Variants in HDAC9 observed in about 807,000 individuals in gnomAD.
HDAC9 encodes MEF-2 interacting transcription repressor (MITR) protein.
In HDAC9, 41 loss-of-function variants were observed where a neutral mutation model predicts 139.4. The ratio of observed to expected loss-of-function variants is 0.29; its 90% CI spans 0.23 to 0.38. The LOEUF (loss-of-function observed/expected upper bound fraction) is 0.38. Ranked by LOEUF, HDAC9 falls within the 10% of genes least tolerant of loss-of-function variation. HDAC9 has a pLI of 1.00. For synonymous variants in HDAC9, 517 were observed against 476.2 expected, an observed-to-expected ratio of 1.09 and a Z score of -1.12; for missense variants, 1,147 against 1,297.0, an observed-to-expected ratio of 0.88 and a Z score of 1.78.
chr7:18,989,181 T>C (rs1785642382), intron 25 of HDAC9, among the ~76,000 whole-genome samples: 1 of 149,362 alleles, frequency 6.7e-6, no homozygotes, highest in Non-Finnish European at 1.5e-5. Flanking sequence ...CATTTTGGCA[T>C]GATTTTGCAG....
At chr7:18,183,188 T>G (rs113669949) in intron 2 of HDAC9, among the ~76,000 whole-genome samples, 2,739 of 152,202 alleles carry the variant, frequency 0.018, 99 homozygotes, top group African/African-American at 0.061. Flanking sequence ...TTTTTGTATT[T>G]TTAGTAGAGA....
At chr7:18,879,000 T>C (rs1188534922) in intron 22 of HDAC9, among the ~76,000 whole-genome samples, 1 of 152,100 alleles carries the variant, frequency 6.6e-6, no homozygotes, top group Admixed American at 6.6e-5. Context: ...TCAGTAGCAT[T>C]CCTACACACC....
intron 13 of HDAC9, among the ~76,000 whole-genome samples, chr7:18,728,282 T>C (rs1785721305): frequency 6.6e-6 from 1 of 152,172 alleles, no homozygotes; most frequent in African/African-American, 2.4e-5. Flanking sequence ...TTATGGAATC[T>C]CTGGGTGGGC....
chr7:18,341,751 G>T (rs1164964937), intron 1 of HDAC9, among the ~76,000 whole-genome samples: 1 of 151,404 alleles, frequency 6.6e-6, no homozygotes, highest in Non-Finnish European at 1.5e-5. Context: ...CTTATTTGGG[G>T]TTATATTTTC....
At position 18,969,737 on chromosome 7, in the gene HDAC9, A is replaced by G. The variant is rs567744339; in HGVS notation, c.3023-6069A>G. On this transcript the variant is annotated intron_variant, in intron 24 of 25. Coordinates refer to ENST00000686413, the MANE Select transcript of HDAC9 (RefSeq NM_178425.4). ...TCCGAACTTTGGATGGATTAATGGC[A>G]TATTATGCAGTACAGAAGAAGAAAA... Among the ~76,000 whole-genome samples the G allele has an allele frequency of 2.6e-5, 4 of 152,350 alleles. No individual in the cohort carries two copies. In the South Asian group the frequency reaches 8.3e-4, roughly 32 times the overall value.
At chr7:18,554,481 G>A (rs1195348005) in intron 2 of HDAC9, among the ~76,000 whole-genome samples, 2 of 151,732 alleles carry the variant, frequency 1.3e-5, no homozygotes, top group Non-Finnish European at 2.9e-5. Context: ...GACTACAGGC[G>A]CCCGCCACCA....
intron 25 of HDAC9, among the ~76,000 whole-genome samples, chr7:18,980,023 G>A (rs1784797057): frequency 6.6e-6 from 1 of 152,168 alleles, no homozygotes; most frequent in Non-Finnish European, 1.5e-5. Context: ...TTTTCATCCA[G>A]TGTCAACAAA....
At chr7:18,834,806 A>G (rs1796116217) in intron 19 of HDAC9, among the ~76,000 whole-genome samples, 1 of 152,184 alleles carries the variant, frequency 6.6e-6, no homozygotes, top group South Asian at 2.1e-4. Context: ...CTAACTGCGG[A>G]GGGATTGCTA....
intron 1 of HDAC9, among the ~76,000 whole-genome samples, chr7:18,318,201 G>A (rs1799789875): frequency 6.6e-6 from 1 of 152,172 alleles, no homozygotes; most frequent in Non-Finnish European, 1.5e-5. Flanking sequence ...TTGGATCAGA[G>A]CCCTTCGTGA....
At position 19,002,210 on chromosome 7, in the gene HDAC9, T is replaced by G. The variant is rs1786784299; in HGVS notation, c.*6148T>G. 6.6e-6 allele frequency: 1 copy of G among 152,158 alleles called. No individual in the cohort carries two copies. The highest frequency in any genetic ancestry group is 1.5e-5 in the Non-Finnish European group (1 of 67,976). 9.4% of individuals were successfully genotyped at this position (152,158 alleles called of 1,614,324 possible). Reference sequence around the variant, plus strand: ...GGATTAATATCTAATAACAATACCATTGTTGAACATGCTCATGGAATGTCC... The same window carrying G: ...GGATTAATATCTAATAACAATACCAGTGTTGAACATGCTCATGGAATGTCC... On this transcript the variant is annotated 3_prime_UTR_variant, in exon 26 of 26. Coordinates refer to ENST00000686413, the MANE Select transcript of HDAC9 (RefSeq NM_178425.4).
chr7:18,182,690 C>T (rs1157696699), intron 2 of HDAC9, among the ~76,000 whole-genome samples: 1 of 152,210 alleles, frequency 6.6e-6, no homozygotes, highest in Non-Finnish European at 1.5e-5. Flanking sequence ...TTATCTTGCT[C>T]TATCAAGGTC....
intron 17 of HDAC9, among the ~76,000 whole-genome samples, chr7:18,805,602 A>G (rs1793643952): frequency 6.6e-6 from 1 of 152,214 alleles, no homozygotes; most frequent in Admixed American, 6.5e-5. Flanking sequence ...GGGAAAAGCC[A>G]CCAGTAGAAT....
At chr7:18,989,756 C>T (rs13238035) in intron 25 of HDAC9, among the ~76,000 whole-genome samples, 29,055 of 52,392 alleles carry the variant, frequency 0.55, 9,394 homozygotes, top group African/African-American at 0.66. Flanking sequence ...CTCATTTCTT[C>T]TTATGCTTTT....
At chr7:18,655,869 G>A (rs1018775021) in intron 11 of HDAC9, among the ~76,000 whole-genome samples, 110 of 152,236 alleles carry the variant, frequency 7.2e-4, no homozygotes, top group Non-Finnish European at 1.3e-4. Flanking sequence ...CACGTGAATT[G>A]TTTGATTGAT....
intron 1 of HDAC9, among the ~76,000 whole-genome samples, chr7:18,329,185 T>C (rs1367907352): frequency 6.6e-6 from 1 of 151,768 alleles, no homozygotes; most frequent in African/African-American, 2.4e-5. Context: ...TTGGGTCTTC[T>C]TTTTTTCTTT....
chr7:18,231,096 C>T (rs1793430289), intron 2 of HDAC9, among the ~76,000 whole-genome samples: 2 of 152,200 alleles, frequency 1.3e-5, no homozygotes, highest in South Asian at 2.1e-4. Context: ...CAACCCTTTG[C>T]TGTGGTGATA....
intron 25 of HDAC9, among the ~76,000 whole-genome samples, chr7:18,988,022 C>A (rs1156673542): frequency 1.3e-5 from 2 of 152,166 alleles, no homozygotes; most frequent in Non-Finnish European, 2.9e-5. Flanking sequence ...AAACCAGCTC[C>A]TGGATTCATT....
intron 2 of HDAC9, among the ~76,000 whole-genome samples, chr7:18,522,560 T>C (rs1378468261): frequency 2.1e-5 from 3 of 142,666 alleles, no homozygotes; most frequent in Non-Finnish European, 4.6e-5. Flanking sequence ...GCTCAATTGT[T>C]AATACTGAAA....
intron 2 of HDAC9, among the ~76,000 whole-genome samples, chr7:18,508,314 C>T (rs542623016): frequency 2.6e-5 from 4 of 152,220 alleles, no homozygotes; most frequent in Non-Finnish European, 4.4e-5. Context: ...TTTCCTTCAA[C>T]GTTTAATTTG....
Sources: allele counts gnomAD v4.1 joint callset (sites outside exome capture counted in the v4.1 genomes callset), GRCh38; gene constraint gnomAD v4.1.1; transcripts MANE v1.5; gene names NCBI Gene and HGNC (gene_info 2026-07-23, HGNC 2026-07-21).